The following NR5A2 variants were observed in gnomAD, a reference collection of about 807,000 sequenced individuals.
NR5A2 encodes nuclear receptor subfamily 5 group A member 2.
NR5A2 carries 26 observed loss-of-function variants against 62.7 expected under a neutral mutation model. The observed-to-expected ratio is 0.41, with a 90% CI of 0.30 to 0.58. The LOEUF (loss-of-function observed/expected upper bound fraction) is 0.58, where lower values mean the gene tolerates loss of function less well. NR5A2 is among the 20% of genes least tolerant of loss of function. The pLI is 0.22. For synonymous variants in NR5A2, 246 were observed against 241.7 expected, an observed-to-expected ratio of 1.02 and a Z score of -0.16; for missense variants, 541 against 669.1, an observed-to-expected ratio of 0.81 and a Z score of 2.11.
intron 5 of NR5A2, among the ~76,000 whole-genome samples, chr1:200,065,976 G>C (rs1442729145): frequency 3.9e-5 from 6 of 152,154 alleles, no homozygotes; most frequent in Non-Finnish European, 8.8e-5. Flanking sequence ...ATGTCAAAAA[G>C]TTTGACAAGG....
chr1:200,156,717 G>T (rs1653404821), intron 7 of NR5A2, among the ~76,000 whole-genome samples: 1 of 151,984 alleles, frequency 6.6e-6, no homozygotes, highest in Non-Finnish European at 1.5e-5. Context: ...TTTAGTTTCA[G>T]TACAGTATTC....
intron 6 of NR5A2, among the ~76,000 whole-genome samples, chr1:200,119,889 A>C (rs1666404058): frequency 6.6e-6 from 1 of 151,970 alleles, no homozygotes; most frequent in Admixed American, 6.6e-5. Flanking sequence ...GATTACAGGC[A>C]TGAGCCACCG....
rs1377301513 is a variant in NR5A2, at chr1:200,039,705, C to A, written c.112C>A (p.Arg38Ser). 2 of 1,611,518 alleles carry A rather than the reference C, an allele frequency of 1.2e-6. No homozygotes were observed. The highest frequency in any genetic ancestry group is 2.2e-5 in the East Asian group (1 of 44,506). The stretch of plus-strand genomic sequence containing the variant: ...CGGATCCCCCATCCCCGCCCGCGGT[C>A]GCCTTGTCATGCTGCCCAAAGTGGA... Reference protein sequence around the residue: ...RHGSPIPARGRLVMLPKVETE... With the variant: ...RHGSPIPARGSLVMLPKVETE... Residue 38 changes from arginine (R) to serine (S), a missense_variant, in exon 2 of 8, where the codon CGC becomes AGC. By Grantham distance (110) the Arg-to-Ser change is moderately radical. This residue lies in a region of NR5A2 where 108 missense variants were observed against 103.3 expected (regional missense o/e 1.05). Transcript: ENST00000367362. This position sits in a 1 kb window ranked among gnomAD's most constrained non-coding sequence, Gnocchi z 5.1.
At chr1:200,158,885 C>A (rs891445465) in intron 7 of NR5A2, among the ~76,000 whole-genome samples, 4 of 147,724 alleles carry the variant, frequency 2.7e-5, no homozygotes, top group Non-Finnish European at 5.9e-5. Flanking sequence ...TTGACCTGAC[C>A]TTAATATGTT....
intron 7 of NR5A2, among the ~76,000 whole-genome samples, chr1:200,159,683 G>A (rs939303536): frequency 1.3e-5 from 2 of 151,174 alleles, no homozygotes; most frequent in Non-Finnish European, 2.9e-5. Context: ...ACAGAGTCTC[G>A]CTCTGTCCTC....
At chr1:200,153,403 T>C (rs989798428) in intron 7 of NR5A2, among the ~76,000 whole-genome samples, 2 of 152,222 alleles carry the variant, frequency 1.3e-5, no homozygotes, top group Non-Finnish European at 2.9e-5. Context: ...TAGGAGAATG[T>C]TGGCTCTGAG....
chr1:200,058,769 G>A (rs1371288789), intron 5 of NR5A2, among the ~76,000 whole-genome samples: 10 of 145,994 alleles, frequency 6.8e-5, no homozygotes, highest in Admixed American at 2.1e-4. Flanking sequence ...ATGAACCACC[G>A]CGCTGGGCTG....
chr1:200,083,991 T>G (rs905794370), intron 5 of NR5A2, among the ~76,000 whole-genome samples: 2 of 148,704 alleles, frequency 1.3e-5, no homozygotes, highest in Non-Finnish European at 3.0e-5. Flanking sequence ...ATAATAATAA[T>G]AATAATAATA....
chr1:200,145,400 T>C (rs1014098497), intron 7 of NR5A2, among the ~76,000 whole-genome samples: 2 of 151,240 alleles, frequency 1.3e-5, no homozygotes, highest in Middle Eastern at 3.4e-3. Flanking sequence ...ATGAAGCAGG[T>C]GGTTCACCAA....
chr1:200,151,690 A>G (rs1003767188), intron 7 of NR5A2, among the ~76,000 whole-genome samples: 1 of 152,278 alleles, frequency 6.6e-6, no homozygotes, highest in East Asian at 1.9e-4. Flanking sequence ...TGAGCACAGC[A>G]TTTCCAAAGT....
intron 5 of NR5A2, among the ~76,000 whole-genome samples, chr1:200,105,039 A>ATCTT (rs769646479): frequency 6.6e-6 from 1 of 151,730 alleles, no homozygotes; most frequent in Non-Finnish European, 1.5e-5. Context: ...GCTTACTGCA[A>ATCTT]TCTTTACCTG....
At position 200,048,246 on chromosome 1, in the gene NR5A2, C is replaced by T; in HGVS notation, c.538C>T (p.Gln180Ter). 6.2e-7 allele frequency: 1 copy of T among 1,613,940 alleles called. No individual in the cohort carries two copies. Among genetic ancestry groups the T allele is most frequent in the Non-Finnish European group, 8.5e-7 (1 of 1,179,978 alleles). Residue 180 changes from glutamine to a stop codon, truncating the protein, a stop_gained, in exon 5 of 8, where the codon CAA (glutamine) becomes TAA (stop). Transcript: ENST00000367362. LOFTEE classifies it high-confidence loss of function. This position sits in a 1 kb window ranked among gnomAD's most constrained non-coding sequence, Gnocchi z 4.8. The stretch of plus-strand genomic sequence containing the variant: ...GTACAAGAGAGACAGGGCCCTGAAG[C>T]AACAGAAAAAAGCCCTCATCCGAGC... ...PMYKRDRALK[Q>*]QKKALIRANG...
At chr1:200,133,534 CATAT>C (rs748974260) in intron 7 of NR5A2, among the ~76,000 whole-genome samples, 40 of 126,886 alleles carry the variant, frequency 3.2e-4, no homozygotes, top group East Asian at 8.5e-4. Flanking sequence ...TATACACACA[CATAT>C]ATATATATAC....
At chr1:200,113,530 A>G (rs544476685) in intron 6 of NR5A2, among the ~76,000 whole-genome samples, 2 of 152,332 alleles carry the variant, frequency 1.3e-5, no homozygotes, top group Admixed American at 6.5e-5. Context: ...TAACCTCTCT[A>G]TCAGAATGAG....
intron 6 of NR5A2, among the ~76,000 whole-genome samples, chr1:200,114,872 A>G (rs951363704): frequency 6.6e-6 from 1 of 152,190 alleles, no homozygotes; most frequent in Non-Finnish European, 1.5e-5. Flanking sequence ...TTCTTTACCA[A>G]CATGCCATAC....
chr1:200,134,162 T>C (rs1038998112), intron 7 of NR5A2, among the ~76,000 whole-genome samples: 1 of 152,214 alleles, frequency 6.6e-6, no homozygotes, highest in Non-Finnish European at 1.5e-5. Context: ...AACAAAGGTA[T>C]AGTAAGCTAT....
chr1:200,135,436 G>A (rs1419832091), intron 7 of NR5A2, among the ~76,000 whole-genome samples: 1 of 151,838 alleles, frequency 6.6e-6, no homozygotes, highest in Admixed American at 6.6e-5. Flanking sequence ...CAGGAGAATC[G>A]CTTGAACCTG....
At chr1:200,114,698 C>T (rs1444598119) in intron 6 of NR5A2, among the ~76,000 whole-genome samples, 1 of 152,168 alleles carries the variant, frequency 6.6e-6, no homozygotes, top group Non-Finnish European at 1.5e-5. Flanking sequence ...GCAAGGGTGA[C>T]ATTTATGGAG....
At chr1:200,095,135 A>C (rs1040771138) in intron 5 of NR5A2, among the ~76,000 whole-genome samples, 1 of 151,526 alleles carries the variant, frequency 6.6e-6, no homozygotes, top group Non-Finnish European at 1.5e-5. Context: ...AAAAGAAAAA[A>C]AAAAAAAAGA....
Sources: allele counts gnomAD v4.1 joint callset (sites outside exome capture counted in the v4.1 genomes callset), GRCh38; gene constraint gnomAD v4.1.1; regional missense constraint gnomAD v4.1.1; non-coding constraint Gnocchi (gnomAD v3.1); transcripts MANE v1.5; gene names NCBI Gene and HGNC (gene_info 2026-07-23, HGNC 2026-07-21).